FAT3: variants seen among roughly 807,000 people sequenced by gnomAD.
FAT3 encodes protocadherin Fat 3.
In FAT3, 95 loss-of-function variants were observed where a neutral mutation model predicts 310.2. The observed-to-expected ratio is 0.31, with a 90% CI of 0.26 to 0.36. The LOEUF is 0.36. FAT3 is among the 10% of genes least tolerant of loss of function. The pLI is 1.00. For missense variants in FAT3, 5,408 were observed against 5,715.6 expected (o/e 0.95, Z 1.74); for synonymous variants, 2,314 against 2,192.9 (o/e 1.06, Z -1.54).
chr11:92,840,577 G>A lies in FAT3; in HGVS notation c.10384G>A (p.Gly3462Ser). The change falls in exon 18 of 28, where the codon GGC becomes AGC. Residue 3462 changes from glycine (G) to serine (S), a missense_variant. By Grantham distance (56) the Gly-to-Ser change is moderately conservative. Coordinates refer to ENST00000525166, the MANE Select transcript of FAT3 (RefSeq NM_001367949.2). Reference sequence around the variant, plus strand: ...TTTTATGCAGGAAAATAAGCCAGTGGGCACCAGCATCTTGCAGCTGGTGGT... The same window carrying A: ...TTTTATGCAGGAAAATAAGCCAGTGAGCACCAGCATCTTGCAGCTGGTGGT... ...TAVIQENKPV[G>S]TSILQLVVTD... The A allele has an allele frequency of 6.3e-7, 1 of 1,590,410 alleles. No homozygotes were observed. The highest frequency in any genetic ancestry group is 1.1e-5 in the South Asian group (1 of 89,492).
At chr11:92,271,606 G>A (rs1946123795) in intron 1 of FAT3, among the ~76,000 whole-genome samples, 1 of 152,122 alleles carries the variant, frequency 6.6e-6, no homozygotes, top group African/African-American at 2.4e-5. Context: ...TATCCCTCCA[G>A]TGCCCAGAAC....
rs554596112 is a variant in FAT3 at position 92,857,281 on chromosome 11, C to T, written c.11433C>T (p.Val3811=). ...CGTGTCCAGGGGACATGCAGTGTGTCAGTTATGAAGCCAGCAGGAGACCGT... is the reference window on the plus strand; with the variant it reads ...CGTGTCCAGGGGACATGCAGTGTGTTAGTTATGAAGCCAGCAGGAGACCGT... ...EKPCPGDMQC[V]SYEASRRPFL... The change falls in exon 20 of 28, where the codon GTC becomes GTT. Residue 3811 remains valine (V), a synonymous_variant. Transcript: ENST00000525166. 4.4e-5 allele frequency: 71 copies of T among 1,613,808 alleles called. No individual in the cohort carries two copies. Among genetic ancestry groups the T allele is most frequent in the African/African-American group, 1.1e-4 (8 of 74,896 alleles).
chr11:92,799,485 A>G lies in FAT3; in HGVS notation c.6472A>G (p.Ile2158Val), dbSNP rs780333216. The change falls in exon 10 of 28, where the codon ATC becomes GTC. Residue 2158 changes from isoleucine to valine, a missense_variant. Physicochemically the swap from Ile to Val is conservative, Grantham distance 29 (BLOSUM62 3). Coordinates refer to ENST00000525166, the MANE Select transcript of FAT3 (RefSeq NM_001367949.2). ...DLSNIEYGVTILAKDGGKPSL... is the reference protein window; with the variant it reads ...DLSNIEYGVTVLAKDGGKPSL... ...GTCCAACATTGAGTATGGAGTCACC[A>G]TCCTAGCCAAGGATGGCGGAAAACC... The G allele has an allele frequency of 1.4e-5, 22 of 1,613,598 alleles. No individual in the cohort carries two copies. The South Asian group carries it at 1.8e-4, about 13-fold the overall frequency.
At chr11:92,607,397 C>A (rs1940352518) in intron 3 of FAT3, among the ~76,000 whole-genome samples, 1 of 152,078 alleles carries the variant, frequency 6.6e-6, no homozygotes, top group African/African-American at 2.4e-5. Context: ...AGAAACATGA[C>A]AACAATTACA....
chr11:92,656,139 G>A (rs1942572296), intron 3 of FAT3, among the ~76,000 whole-genome samples: 1 of 152,060 alleles, frequency 6.6e-6, no homozygotes, highest in African/African-American at 2.4e-5. Flanking sequence ...TCAAACTATC[G>A]GCTCTGCTCT....
intron 3 of FAT3, among the ~76,000 whole-genome samples, chr11:92,569,140 A>G (rs1291943460): frequency 6.6e-6 from 1 of 152,162 alleles, no homozygotes; most frequent in Non-Finnish European, 1.5e-5. Context: ...AGCATAGCCC[A>G]GTGGCTGAGA....
At position 92,891,149 on chromosome 11, in the gene FAT3, A is replaced by C. The variant is rs1481150568; in HGVS notation, c.*36A>C. ...TTGGGTACTTCACCCTGTTTGTTAC[A>C]GAAAAGTGGAAGCAGATTGGCTGGG... On this transcript the variant is annotated 3_prime_UTR_variant, in exon 28 of 28. Transcript: ENST00000525166. 2 of 1,599,408 alleles carry C rather than the reference A, an allele frequency of 1.3e-6. No homozygotes were observed. The highest frequency in any genetic ancestry group is 4.5e-5 in the East Asian group (2 of 44,654).
Position 92,798,904 on chromosome 11 carries a change from G to A in FAT3, c.5891G>A (p.Ser1964Asn), listed in dbSNP as rs577912915. 1.9e-6 allele frequency: 3 copies of A among 1,613,952 alleles called. No individual in the cohort carries two copies. Among genetic ancestry groups the A allele is most frequent in the African/African-American group, 2.7e-5 (2 of 75,036 alleles). The change falls in exon 10 of 28, where the codon AGT (serine) becomes AAT (asparagine). Residue 1964 changes from serine to asparagine, a missense_variant. Physicochemically the swap from Ser to Asn is conservative, Grantham distance 46. Transcript: ENST00000525166. The stretch of plus-strand genomic sequence containing the variant: ...AAGGTGTCTGATGGAAAGTTCTACA[G>A]TACCTCCATGGTCACCATCATGGTT... The part of the protein sequence containing the change: ...IVKVSDGKFY[S>N]TSMVTIMVKE...
chr11:92,464,852 T>C (rs476317), intron 2 of FAT3, among the ~76,000 whole-genome samples: 134,757 of 152,176 alleles, frequency 0.89, 59,705 homozygotes, highest in Admixed American at 0.89. Context: ...AATAAAAACG[T>C]TCTGGGACCT....
intron 9 of FAT3, among the ~76,000 whole-genome samples, chr11:92,793,305 A>G (rs1319639318): frequency 1.3e-5 from 2 of 152,194 alleles, no homozygotes; most frequent in Admixed American, 6.5e-5. Flanking sequence ...GACTAAAATA[A>G]CAAAAGCCGC....
rs995159160 is a variant in FAT3 at position 92,353,387 on chromosome 11, G to A, written c.1275G>A (p.Arg425=). 5.6e-6 allele frequency: 9 copies of A among 1,613,352 alleles called. No individual in the cohort carries two copies. The South Asian group carries it at 6.6e-5, about 12-fold the overall frequency. Reference sequence around the variant, plus strand: ...CAGTGTACTTTAAAATTAATCCTCGGTCGGGTCTGATTGTTACAGCACGGC... The same window carrying A: ...CAGTGTACTTTAAAATTAATCCTCGATCGGGTCTGATTGTTACAGCACGGC... ...EDAVYFKINP[R]SGLIVTARPL... The change falls in exon 2 of 28, where the codon CGG becomes CGA. Residue 425 remains arginine, a synonymous_variant. Coordinates refer to ENST00000525166, the MANE Select transcript of FAT3 (RefSeq NM_001367949.2).
At chr11:92,235,245 C>G (rs916581685) in intron 1 of FAT3, among the ~76,000 whole-genome samples, 17 of 152,074 alleles carry the variant, frequency 1.1e-4, no homozygotes, top group Non-Finnish European at 2.5e-4. Flanking sequence ...CTGCCTTTTT[C>G]TCTCTTTGGT....
At chr11:92,619,188 C>A (rs546586250) in intron 3 of FAT3, among the ~76,000 whole-genome samples, 1 of 152,166 alleles carries the variant, frequency 6.6e-6, no homozygotes, top group Admixed American at 6.5e-5. Flanking sequence ...GGGAGAAAGC[C>A]CAATTAACCA....
intron 3 of FAT3, among the ~76,000 whole-genome samples, chr11:92,657,223 C>T (rs1942613949): frequency 6.6e-6 from 1 of 152,192 alleles, no homozygotes; most frequent in Admixed American, 6.5e-5. Context: ...TCCCCTATTA[C>T]TCCAAGTGGT....
At chr11:92,317,663 G>A (rs891562913) in intron 1 of FAT3, among the ~76,000 whole-genome samples, 2 of 152,090 alleles carry the variant, frequency 1.3e-5, no homozygotes, top group Admixed American at 1.3e-4. Context: ...TGCTTTTTTA[G>A]CACTAATAAC....
intron 2 of FAT3, among the ~76,000 whole-genome samples, chr11:92,392,017 G>A (rs1182563300): frequency 6.6e-6 from 1 of 152,088 alleles, no homozygotes; most frequent in East Asian, 1.9e-4. Flanking sequence ...CATTCCTTTG[G>A]CATTCAGCTT....
chr11:92,728,060 G>A (rs1036236013), intron 4 of FAT3, among the ~76,000 whole-genome samples: 3 of 152,078 alleles, frequency 2.0e-5, no homozygotes, highest in African/African-American at 7.2e-5. Flanking sequence ...CCCAGGGAGT[G>A]GTTTTACATA....
chr11:92,504,941 G>A (rs777246436), intron 2 of FAT3, among the ~76,000 whole-genome samples: 11 of 152,056 alleles, frequency 7.2e-5, no homozygotes, highest in Non-Finnish European at 1.3e-4. Flanking sequence ...TGGAATTAAT[G>A]ACATGACTTC....
At chr11:92,791,408 A>G (rs1287177884) in intron 8 of FAT3, among the ~76,000 whole-genome samples, 1 of 152,200 alleles carries the variant, frequency 6.6e-6, no homozygotes, top group Admixed American at 6.5e-5. Flanking sequence ...AATTCAGCAT[A>G]TTCACTGAGC....
Sources: gnomAD v4.1 joint callset for allele counts (sites outside exome capture counted in the v4.1 genomes callset) on GRCh38, gnomAD v4.1.1 for gene constraint, MANE v1.5 for transcripts, NCBI Gene and HGNC (gene_info 2026-07-23, HGNC 2026-07-21) for gene names.